AGMO: variants seen among roughly 807,000 people sequenced by gnomAD.
AGMO encodes glyceryl-ether monooxygenase.
AGMO carries 75 observed loss-of-function variants against 60.2 expected under a neutral mutation model. The observed-to-expected ratio is 1.25, with a 90% confidence interval of 1.03 to 1.51. The LOEUF (loss-of-function observed/expected upper bound fraction) is 1.51, where lower values mean the gene tolerates loss of function less well. Ranked by LOEUF, AGMO falls within the 40% of genes most tolerant of loss-of-function variation. The pLI is 0.00. For synonymous variants in AGMO, 261 were observed against 177.1 expected (o/e 1.47, Z -3.76); for missense variants, 763 against 525.5 (o/e 1.45, Z -4.42).
At chr7:15,293,436 G>C (rs1583373017) in intron 12 of AGMO, among the ~76,000 whole-genome samples, 1 of 152,154 alleles carries the variant, frequency 6.6e-6, no homozygotes, top group African/African-American at 2.4e-5. Flanking sequence ...GGATAAGAGT[G>C]AGAGAAGGAT....
chr7:15,187,350 A>C, the AGMO span, among the ~76,000 whole-genome samples: 1 of 152,220 alleles, frequency 6.6e-6, no homozygotes, highest in Non-Finnish European at 1.5e-5. Context: ...GTATGCTGAA[A>C]AAACAGGACT....
At chr7:15,372,574 G>C (rs1242677574) in intron 10 of AGMO, among the ~76,000 whole-genome samples, 1 of 151,990 alleles carries the variant, frequency 6.6e-6, no homozygotes, top group African/African-American at 2.4e-5. Flanking sequence ...CCCTGCCCTT[G>C]AATTCATACC....
intron 5 of AGMO, among the ~76,000 whole-genome samples, chr7:15,395,527 T>C (rs538198815): frequency 1.8e-4 from 27 of 152,270 alleles, no homozygotes; most frequent in Admixed American, 5.9e-4. Flanking sequence ...TGTTAGAAAA[T>C]GCATTTGTTT....
chr7:15,362,245 AATAAT>A (rs1430970755), intron 12 of AGMO, among the ~76,000 whole-genome samples: 1 of 152,206 alleles, frequency 6.6e-6, no homozygotes, highest in Non-Finnish European at 1.5e-5. Context: ...ATTCATAATT[AATAAT>A]ATAAGAATTG....
chr7:15,452,503 T>G (rs1367065816), intron 3 of AGMO, among the ~76,000 whole-genome samples: 1 of 152,184 alleles, frequency 6.6e-6, no homozygotes, highest in Non-Finnish European at 1.5e-5. Flanking sequence ...TCATTAGTTA[T>G]TAGGAAAATG....
At chr7:15,391,971 G>A (rs1784157925) in intron 6 of AGMO, among the ~76,000 whole-genome samples, 1 of 152,192 alleles carries the variant, frequency 6.6e-6, no homozygotes, top group Admixed American at 6.5e-5. Flanking sequence ...CCTGATATAA[G>A]CAGGCGTGGG....
intron 12 of AGMO, among the ~76,000 whole-genome samples, chr7:15,247,235 T>A (rs1025133695): frequency 1.3e-5 from 2 of 152,074 alleles, no homozygotes. Flanking sequence ...TAAACAGCTA[T>A]TTAAAAAAAT....
chr7:15,188,360 T>C, the AGMO span, among the ~76,000 whole-genome samples: 15 of 152,172 alleles, frequency 9.9e-5, no homozygotes, highest in Non-Finnish European at 1.5e-5. Flanking sequence ...TTAGTGAATG[T>C]AAGATACTAA....
chr7:15,485,598 A>G (rs1782898410), intron 3 of AGMO, among the ~76,000 whole-genome samples: 1 of 152,188 alleles, frequency 6.6e-6, no homozygotes, highest in South Asian at 2.1e-4. Flanking sequence ...TTCTTCAAGC[A>G]TAACAGAGAT....
intron 12 of AGMO, among the ~76,000 whole-genome samples, chr7:15,344,138 T>C (rs1251736326): frequency 1.3e-5 from 2 of 152,162 alleles, no homozygotes; most frequent in Non-Finnish European, 2.9e-5. Flanking sequence ...AAATGATGCA[T>C]ATTTTTGGTA....
chr7:15,153,481 G>A, the AGMO span, among the ~76,000 whole-genome samples: 1 of 152,108 alleles, frequency 6.6e-6, no homozygotes. Context: ...TGGGGTCTTA[G>A]ATTGAAGTCT....
intron 3 of AGMO, among the ~76,000 whole-genome samples, chr7:15,497,725 A>G (rs10499466): frequency 0.13 from 20,486 of 152,046 alleles, 1,505 homozygotes; most frequent in Non-Finnish European, 0.16. Context: ...GAAGGACTTA[A>G]TGACTATATA....
chr7:15,352,116 A>C (rs938880066), intron 12 of AGMO, among the ~76,000 whole-genome samples: 10 of 152,238 alleles, frequency 6.6e-5, no homozygotes, highest in East Asian at 1.9e-4. Flanking sequence ...TATAGCAAGA[A>C]GACCTCTATT....
chr7:15,199,722 G>A (rs1781224978), downstream of AGMO, among the ~76,000 whole-genome samples: 1 of 152,094 alleles, frequency 6.6e-6, no homozygotes, highest in Admixed American at 6.5e-5. Flanking sequence ...TGTGAAAATT[G>A]TTGTTAAGGG....
intron 2 of AGMO, among the ~76,000 whole-genome samples, chr7:15,552,193 A>T (rs1017070366): frequency 6.6e-6 from 1 of 151,946 alleles, no homozygotes. Context: ...AGACTTAAAC[A>T]TTAGACCTAA....
At chr7:15,320,337 A>G (rs1781070527) in intron 12 of AGMO, among the ~76,000 whole-genome samples, 1 of 151,982 alleles carries the variant, frequency 6.6e-6, no homozygotes, top group African/African-American at 2.4e-5. Context: ...TCAAAAACAA[A>G]TTTTCACAGT....
the AGMO span, among the ~76,000 whole-genome samples, chr7:15,150,050 T>A: frequency 6.6e-6 from 1 of 152,162 alleles, no homozygotes; most frequent in South Asian, 2.1e-4. Context: ...ATTTTATTCT[T>A]TTTGTGGTTA....
chr7:15,138,545 A>C, the AGMO span, among the ~76,000 whole-genome samples: 1 of 152,218 alleles, frequency 6.6e-6, no homozygotes, highest in African/African-American at 2.4e-5. Context: ...TATCCTGCCC[A>C]AAAATACATA....
At position 15,376,742 on chromosome 7, in the gene AGMO, T is replaced by C. The variant is rs1388811426; in HGVS notation, c.1074+8704A>G. 5.3e-5 allele frequency among the ~76,000 whole-genome samples: 8 copies of C among 152,074 alleles called. No homozygotes were observed. In the East Asian group the frequency reaches 1.5e-3, roughly 29 times the overall value. On this transcript the variant is annotated intron_variant, in intron 10 of 12. Coordinates refer to ENST00000342526, the MANE Select transcript of AGMO (RefSeq NM_001004320.2). ...TATACATATTTTTATTTCCAACATG[T>C]ACTCATGATATCACCCCAGGAAGTG... is the stretch of plus-strand genomic sequence containing the variant.
Sources: allele counts gnomAD v4.1 joint callset (sites outside exome capture counted in the v4.1 genomes callset), GRCh38; gene constraint gnomAD v4.1.1; transcripts MANE v1.5; gene names NCBI Gene and HGNC (gene_info 2026-07-23, HGNC 2026-07-21).